Variants in CYP46A1 observed in about 807,000 individuals in gnomAD.
CYP46A1 encodes cholesterol 24-hydroxylase.
In CYP46A1, 20 loss-of-function variants were observed where a neutral mutation model predicts 63.3. The ratio of observed to expected loss-of-function variants is 0.32; its 90% confidence interval spans 0.22 to 0.46. CYP46A1 has a LOEUF of 0.46. Among genes scored for constraint, CYP46A1 ranks in the 20% least tolerant of loss-of-function variants. CYP46A1 has a pLI of 1.00. For synonymous variants in CYP46A1, 268 were observed against 273.6 expected (o/e 0.98, Z 0.20); for missense variants, 445 against 670.8 (o/e 0.66, Z 3.72).
At chr14:99,685,087 A>C (rs1437890700) in intron 1 of CYP46A1, among the ~76,000 whole-genome samples, 6 of 4,590 alleles carry the variant, frequency 1.3e-3, no homozygotes, top group Non-Finnish European at 1.9e-3. Flanking sequence ...TCAACTTGCC[A>C]ACCCCCCCCC....
chr14:99,695,980 G>A (rs1426160028), intron 3 of CYP46A1, among the ~76,000 whole-genome samples: 1 of 151,840 alleles, frequency 6.6e-6, no homozygotes, highest in East Asian at 1.9e-4. Context: ...TCTTTTTTCT[G>A]TTATATTACT....
Position 99,725,609 on chromosome 14 carries a change from A to T in CYP46A1, c.1265+130A>T. 1.5e-6 allele frequency: 1 copy of T among 675,230 alleles called. No individual in the cohort carries two copies. Among genetic ancestry groups the T allele is most frequent in the Non-Finnish European group, 2.6e-6 (1 of 384,684 alleles). 41.8% of individuals were successfully genotyped at this position (675,230 alleles called of 1,614,324 possible). ...CCAGATCCCTGTGAGGTGGTTGTGG[A>T]GGAAATCACAGCTCAGAGAGGTTAA... On this transcript the variant is annotated intron_variant, in intron 13 of 14. Transcript: ENST00000261835. This position sits in a 1 kb window ranked among gnomAD's most constrained non-coding sequence, Gnocchi z 4.2.
chr14:99,684,786 G>A (rs1163669790), intron 1 of CYP46A1: 2 of 595,630 alleles, frequency 3.4e-6, no homozygotes, highest in South Asian at 1.5e-5. Context: ...TTTCAGGTAG[G>A]CGCTATTGTT....
intron 5 of CYP46A1, among the ~76,000 whole-genome samples, chr14:99,701,003 A>C (rs1452680996): frequency 1.3e-5 from 2 of 152,238 alleles, no homozygotes; most frequent in Non-Finnish European, 2.9e-5. Flanking sequence ...GTTTTTCACA[A>C]CAAAGTTTTA....
chr14:99,720,459 CT>C (rs34168201), intron 10 of CYP46A1, among the ~76,000 whole-genome samples: 3,556 of 127,310 alleles, frequency 0.028, 90 homozygotes, highest in African/African-American at 0.094. Context: ...CAGATCCACT[CT>C]TTTTTTTTTT....
At chr14:99,687,321 T>G (rs952732188) in intron 1 of CYP46A1, among the ~76,000 whole-genome samples, 1 of 152,232 alleles carries the variant, frequency 6.6e-6, no homozygotes, top group Non-Finnish European at 1.5e-5. Context: ...ATGAAAGGTC[T>G]TTCTCTCCCA....
Position 99,725,581 on chromosome 14 carries a change from C to A in CYP46A1, c.1265+102C>A. The stretch of plus-strand genomic sequence containing the variant: ...GAGGCACCCACTCAGCCCACATAGC[C>A]TTCCAGATCCCTGTGAGGTGGTTGT... On this transcript the variant is annotated intron_variant, in intron 13 of 14. Coordinates refer to ENST00000261835, the MANE Select transcript of CYP46A1 (RefSeq NM_006668.2). This position sits in a 1 kb window ranked among gnomAD's most constrained non-coding sequence, Gnocchi z 4.2. 1 of 795,794 alleles carries A rather than the reference C, an allele frequency of 1.3e-6. No homozygotes were observed. The highest frequency in any genetic ancestry group is 1.5e-5 in the South Asian group (1 of 66,384). The allele number at this position is 795,794 out of a possible 1,614,324, so 49.3% of individuals were successfully genotyped here. A position where few individuals can be genotyped will look rare whatever the true frequency, so the allele number is the denominator to read the frequency against.
chr14:99,709,166 C>T (rs1173825048), intron 7 of CYP46A1: 1 of 151,934 alleles, frequency 6.6e-6, no homozygotes, highest in Non-Finnish European at 1.5e-5. Flanking sequence ...AATACTATAC[C>T]TTCAAAGAAA....
At position 99,722,678 on chromosome 14, in the gene CYP46A1, T is replaced by TGTGTGTGTGTGTGCGC. The variant is rs1491237225; in HGVS notation, c.1176+613_1176+614insTGTGTGTGTGTGCGCG. Among the ~76,000 whole-genome samples, 1 of 150,026 alleles carries TGTGTGTGTGTGTGCGC rather than the reference T, an allele frequency of 6.7e-6. No individual in the cohort carries two copies. The highest frequency in any genetic ancestry group is 1.5e-5 in the Non-Finnish European group (1 of 67,740). ...GTGTGTGTGTGTGTGTGTGTGTGTG[T>TGTGTGTGTGTGTGCGC]GCCTGTGTGCATTCACGCAGTAATA... On this transcript the variant is annotated intron_variant, in intron 12 of 14. Coordinates refer to ENST00000261835, the MANE Select transcript of CYP46A1 (RefSeq NM_006668.2). The surrounding 1 kb of genome is among the most constrained non-coding windows in gnomAD (Gnocchi z 4.6).
At chr14:99,705,723 G>A (rs1338983146) in intron 5 of CYP46A1, among the ~76,000 whole-genome samples, 1 of 152,144 alleles carries the variant, frequency 6.6e-6, no homozygotes, top group Non-Finnish European at 1.5e-5. Flanking sequence ...TCAGGAGTTT[G>A]AGACCAGCCT....
rs575980455 is a variant in CYP46A1, at chr14:99,725,540, C to G, written c.1265+61C>G. On this transcript the variant is annotated intron_variant, in intron 13 of 14. Transcript: ENST00000261835. This position sits in a 1 kb window ranked among gnomAD's most constrained non-coding sequence, Gnocchi z 4.2. ...GGCGGGAGAAGGACAGACACAGCGG[C>G]CTCTGGTCTGAGCCAGAGGCACCCA... 9.0e-6 allele frequency: 12 copies of G among 1,331,602 alleles called. No individual in the cohort carries two copies. In the East Asian group the frequency reaches 2.8e-4, roughly 31 times the overall value. 82.5% of individuals were successfully genotyped at this position (1,331,602 alleles called of 1,614,324 possible).
Position 99,715,861 on chromosome 14 carries a change from T to C in CYP46A1, c.745T>C (p.Phe249Leu). 1.2e-6 allele frequency: 2 copies of C among 1,614,112 alleles called. No homozygotes were observed. Among genetic ancestry groups the C allele is most frequent in the Non-Finnish European group, 1.7e-6 (2 of 1,180,026 alleles). The change falls in exon 8 of 15, where the codon TTC becomes CTC. Residue 249 changes from phenylalanine (F) to leucine (L), a missense_variant. By Grantham distance (22) the Phe-to-Leu change is conservative. Transcript: ENST00000261835. The part of the protein sequence containing the change: ...QLREVRESIR[F>L]LRQVGRDWVQ... Reference sequence around the variant, plus strand: ...CCGGGAGGTCCGGGAGAGCATTCGCTTCCTGCGCCAGGTGGGCAGGGACTG... The same window carrying C: ...CCGGGAGGTCCGGGAGAGCATTCGCCTCCTGCGCCAGGTGGGCAGGGACTG...
At chr14:99,695,028 G>T (rs1254415669) in intron 3 of CYP46A1, among the ~76,000 whole-genome samples, 1 of 152,058 alleles carries the variant, frequency 6.6e-6, no homozygotes, top group Non-Finnish European at 1.5e-5. Flanking sequence ...AACTTCCCTT[G>T]TGATTTATTC....
rs2056860642 is a variant in CYP46A1 at position 99,722,788 on chromosome 14, C to T, written c.1176+722C>T. The T allele has an allele frequency of 8.3e-6, 3 of 360,326 alleles. No homozygotes were observed. Among genetic ancestry groups the T allele is most frequent in the South Asian group, 4.1e-5 (2 of 48,298 alleles). The allele number at this position is 360,326 out of a possible 1,614,324, so 22.3% of individuals were successfully genotyped here. ...CACAAGGCCGTAGGACAACCACCAT[C>T]GCTGATCAGTTCTCAGGTGACAGGC... On this transcript the variant is annotated intron_variant, in intron 12 of 14. Coordinates refer to ENST00000261835, the MANE Select transcript of CYP46A1 (RefSeq NM_006668.2). This position sits in a 1 kb window ranked among gnomAD's most constrained non-coding sequence, Gnocchi z 4.6.
chr14:99,710,199 A>G (rs1243411244), intron 7 of CYP46A1: 2 of 152,186 alleles, frequency 1.3e-5, no homozygotes, highest in Non-Finnish European at 1.5e-5. Context: ...AAACATTACT[A>G]TTATAGAATG....
Position 99,726,239 on chromosome 14 carries a change from G to A in CYP46A1, c.1315G>A (p.Gly439Arg), listed in dbSNP as rs767963054. Residue 439 changes from glycine (G) to arginine (R), a missense_variant, in exon 14 of 15, where the codon GGG becomes AGG. Physicochemically the swap from Gly to Arg is moderately radical, Grantham distance 125. This residue lies in a region of CYP46A1 where 95 missense variants were observed against 156.9 expected (regional missense o/e 0.61). Coordinates refer to ENST00000261835, the MANE Select transcript of CYP46A1 (RefSeq NM_006668.2). ...PFSLGHRSCI[G>R]QQFAQMEVKV... ...CTCCCTGGGCCACCGCTCCTGCATC[G>A]GGCAGCAGTTTGCTCAGGTAGGAGG... 3 of 1,613,510 alleles carry A rather than the reference G, an allele frequency of 1.9e-6. No homozygotes were observed. Among genetic ancestry groups the A allele is most frequent in the African/African-American group, 1.3e-5 (1 of 74,962 alleles).
intron 7 of CYP46A1, chr14:99,709,333 A>G (rs1055110909): frequency 7.9e-5 from 12 of 152,238 alleles, no homozygotes; most frequent in African/African-American, 2.9e-4. Flanking sequence ...TGAGAAATTC[A>G]ACAGAGAGAC....
rs1250711307 is a variant in CYP46A1 at position 99,711,172 on chromosome 14, T to G, written c.693+3494T>G. 6 of 152,122 alleles carry G rather than the reference T, an allele frequency of 3.9e-5. No homozygotes were observed. In the East Asian group the frequency reaches 1.2e-3, roughly 29 times the overall value. The allele number at this position is 152,122 out of a possible 1,614,324, so 9.4% of individuals were successfully genotyped here. ...ACAGCAAAAGCAGTGCTAAGAGCGA[T>G]GTTTATAACAGTAAACACTTACATC... On this transcript the variant is annotated intron_variant, in intron 7 of 14. Transcript: ENST00000261835.
chr14:99,687,932 C>T (rs2056508675), intron 1 of CYP46A1, among the ~76,000 whole-genome samples: 1 of 151,874 alleles, frequency 6.6e-6, no homozygotes, highest in Non-Finnish European at 1.5e-5. Flanking sequence ...CTGGGTCTTC[C>T]TGTTCTGTTG....
Sources: allele counts gnomAD v4.1 joint callset (sites outside exome capture counted in the v4.1 genomes callset), GRCh38; gene constraint gnomAD v4.1.1; regional missense constraint gnomAD v4.1.1; non-coding constraint Gnocchi (gnomAD v3.1); transcripts MANE v1.5; gene names NCBI Gene and HGNC (gene_info 2026-07-23, HGNC 2026-07-21).